STAP1: variants seen among roughly 807,000 people sequenced by gnomAD.
The protein encoded by STAP1 is signal transducing adaptor family member 1.
STAP1 carries 30 observed loss-of-function variants against 37.8 expected under a neutral mutation model. The ratio of observed to expected loss-of-function variants is 0.79; its 90% CI spans 0.59 to 1.08. STAP1 has a LOEUF of 1.08. Ranked by LOEUF, STAP1 falls within the 50% of genes least tolerant of loss-of-function variation. The probability of loss-of-function intolerance (pLI) is 0.00; values close to 1 mark genes in which losing one functional copy is unlikely to be tolerated. For synonymous variants in STAP1, 130 were observed against 116.0 expected, an observed-to-expected ratio of 1.12 and a Z score of -0.78; for missense variants, 357 against 349.4, an observed-to-expected ratio of 1.02 and a Z score of -0.17.
chr4:67,593,814 T>C (rs1728170420), intron 8 of STAP1, among the ~76,000 whole-genome samples: 1 of 152,312 alleles, frequency 6.6e-6, no homozygotes, highest in South Asian at 2.1e-4. Context: ...AGAGAAGTTG[T>C]ATTCCACTAT....
At chr4:67,584,724 G>C (rs1435715679) in intron 6 of STAP1, among the ~76,000 whole-genome samples, 2 of 152,190 alleles carry the variant, frequency 1.3e-5, no homozygotes, top group Admixed American at 1.3e-4. Flanking sequence ...AAAGAAAAAG[G>C]CTGCTGTGAC....
intron 3 of STAP1, 152 bp from the exon 4 acceptor site, chr4:67,577,051 T>C (rs1727737884): frequency 1.7e-6 from 1 of 577,776 alleles, no homozygotes; most frequent in Non-Finnish European, 2.9e-6. Context: ...GAAAATAGTA[T>C]TGAAATATTT....
chr4:67,559,020 T>C lies in STAP1; in HGVS notation c.120+91T>C, dbSNP rs531837020. The C allele has an allele frequency of 5.4e-5, 68 of 1,256,782 alleles. No individual in the cohort carries two copies. The Admixed American group carries it at 9.4e-4, about 17-fold the overall frequency. 77.9% of individuals were successfully genotyped at this position (1,256,782 alleles called of 1,614,324 possible). On this transcript the variant is annotated intron_variant, in intron 1 of 8. Coordinates refer to ENST00000265404, the MANE Select transcript of STAP1 (RefSeq NM_012108.4). ...GATGTGATGTGTTAAGACCTCCTTG[T>C]TTCTGTTGAAATTAAATCATCTTCT...
At chr4:67,567,311 G>T (rs1432602625) in intron 1 of STAP1, among the ~76,000 whole-genome samples, 2 of 152,084 alleles carry the variant, frequency 1.3e-5, no homozygotes, top group Non-Finnish European at 2.9e-5. Flanking sequence ...ATGGTAATTT[G>T]TTCCTTGGTT....
At chr4:67,599,158 T>G (rs1728286651) in intron 8 of STAP1, among the ~76,000 whole-genome samples, 1 of 152,226 alleles carries the variant, frequency 6.6e-6, no homozygotes, top group African/African-American at 2.4e-5. Context: ...TCATCAGAGA[T>G]ATTGGCTTGT....
intron 6 of STAP1, among the ~76,000 whole-genome samples, chr4:67,589,252 C>A (rs1282308334): frequency 6.6e-6 from 1 of 152,176 alleles, no homozygotes; most frequent in African/African-American, 2.4e-5. Context: ...CCTTCTGTGT[C>A]CAAAAATGCT....
At chr4:67,567,437 C>A (rs1410026010) in intron 1 of STAP1, among the ~76,000 whole-genome samples, 1 of 152,120 alleles carries the variant, frequency 6.6e-6, no homozygotes, top group African/African-American at 2.4e-5. Context: ...TCCAATGTGC[C>A]CCTGAGGTTG....
rs1163945955 is a variant in STAP1 at position 67,593,420 on chromosome 4, A to T, written c.826+64A>T. 3.3e-6 allele frequency: 4 copies of T among 1,199,902 alleles called. No individual in the cohort carries two copies. In the Admixed American group the frequency reaches 7.9e-5, roughly 24 times the overall value. 74.3% of individuals were successfully genotyped at this position (1,199,902 alleles called of 1,614,324 possible). Reference sequence around the variant, plus strand: ...AACAAAACAAAACAAAATCCCCAAAACTCTGCATATGATTGATAGTACCAG... The same window carrying T: ...AACAAAACAAAACAAAATCCCCAAATCTCTGCATATGATTGATAGTACCAG... On this transcript the variant is annotated intron_variant, in intron 8 of 8. Coordinates refer to ENST00000265404, the MANE Select transcript of STAP1 (RefSeq NM_012108.4).
intron 8 of STAP1, among the ~76,000 whole-genome samples, chr4:67,597,778 C>T (rs1030135455): frequency 6.6e-6 from 1 of 152,172 alleles, no homozygotes; most frequent in Non-Finnish European, 1.5e-5. Flanking sequence ...GCCAATTTCT[C>T]CCATTTTGAA....
Position 67,590,898 on chromosome 4 carries a change from A to G in STAP1, c.674A>G (p.Lys225Arg), listed in dbSNP as rs1439516011. 2 of 1,611,578 alleles carry G rather than the reference A, an allele frequency of 1.2e-6. No homozygotes were observed. The highest frequency in any genetic ancestry group is 1.7e-6 in the Non-Finnish European group (2 of 1,179,006). The change falls in exon 7 of 9, where the codon AAG becomes AGG. Residue 225 changes from lysine (K) to arginine (R), a missense_variant. Lys to Arg is a conservative substitution (Grantham distance 26). Coordinates refer to ENST00000265404, the MANE Select transcript of STAP1 (RefSeq NM_012108.4). Reference sequence around the variant, plus strand: ...TTTCATTGTAGCATTCCAAGAATCAAGCACTACAAAGTGATGAGCGTAGGA... The same window carrying G: ...TTTCATTGTAGCATTCCAAGAATCAGGCACTACAAAGTGATGAGCGTAGGA... Reference protein sequence around the residue: ...IRQEIDIPRIKHYKVMSVGQN... With the variant: ...IRQEIDIPRIRHYKVMSVGQN...
chr4:67,598,500 T>C (rs905832597), intron 8 of STAP1, among the ~76,000 whole-genome samples: 4 of 152,230 alleles, frequency 2.6e-5, no homozygotes, highest in Non-Finnish European at 5.9e-5. Flanking sequence ...TATCACCTTG[T>C]AGTTTTGATC....
rs532280934 is a variant in STAP1 at position 67,581,781 on chromosome 4, C to T, written c.530+310C>T. Among the ~76,000 whole-genome samples the T allele has an allele frequency of 9.1e-4, 138 of 152,270 alleles. 1 individual carries two copies. The highest frequency in any genetic ancestry group is 6.5e-3 in the Admixed American group (99 of 15,300). The stretch of plus-strand genomic sequence containing the variant: ...AAGAAGGCAGGAAAAGATATTTTTT[C>T]ACTATGCAAACTCTATGATTGACTG... On this transcript the variant is annotated intron_variant, in intron 5 of 8. Transcript: ENST00000265404.
At chr4:67,583,926 G>A (rs1392880675) in intron 6 of STAP1, among the ~76,000 whole-genome samples, 7 of 151,760 alleles carry the variant, frequency 4.6e-5, no homozygotes, top group African/African-American at 9.7e-5. Flanking sequence ...GTGAAACCCC[G>A]TCTTTACTAA....
At position 67,593,274 on chromosome 4, in the gene STAP1, C is replaced by T. The variant is rs369032884; in HGVS notation, c.744C>T (p.Asn248=). The stretch of plus-strand genomic sequence containing the variant: ...TATTAATACAGGTAACACTCCCAAA[C>T]CTTTTCAGTGTCATTGATTATTTTG... ...IELEKPVTLP[N]LFSVIDYFVK... The change falls in exon 8 of 9, where the codon AAC becomes AAT. Residue 248 remains asparagine, a synonymous_variant. Transcript: ENST00000265404. The T allele has an allele frequency of 1.5e-5, 24 of 1,612,884 alleles. No homozygotes were observed. Among genetic ancestry groups the T allele is most frequent in the Non-Finnish European group, 2.0e-5 (24 of 1,179,384 alleles).
chr4:67,601,668 T>C (rs1395015109), intron 8 of STAP1, among the ~76,000 whole-genome samples: 1 of 152,200 alleles, frequency 6.6e-6, no homozygotes, highest in Non-Finnish European at 1.5e-5. Flanking sequence ...ATTAAATATG[T>C]CATGCTCCCC....
chr4:67,604,645 T>C (rs941366274), intron 8 of STAP1, among the ~76,000 whole-genome samples: 1 of 152,258 alleles, frequency 6.6e-6, no homozygotes, highest in African/African-American at 2.4e-5. Context: ...AACTGGGGAA[T>C]TGGTCAAATT....
At chr4:67,598,931 C>T (rs778396136) in intron 8 of STAP1, among the ~76,000 whole-genome samples, 8 of 152,148 alleles carry the variant, frequency 5.3e-5, no homozygotes, top group Non-Finnish European at 8.8e-5. Flanking sequence ...TGAAGCGATG[C>T]TGAATTTTAT....
intron 7 of STAP1, among the ~76,000 whole-genome samples, chr4:67,591,756 A>G (rs1728123266): frequency 6.6e-6 from 1 of 152,170 alleles, no homozygotes. Context: ...TGAATTTTTT[A>G]TATTTTGGTC....
chr4:67,599,924 G>A (rs1235188962), intron 8 of STAP1, among the ~76,000 whole-genome samples: 3 of 152,112 alleles, frequency 2.0e-5, no homozygotes, highest in Admixed American at 2.0e-4. Context: ...TTACAGGTGT[G>A]AGCCACCATG....
Sources: gnomAD v4.1 joint callset for allele counts (sites outside exome capture counted in the v4.1 genomes callset) on GRCh38, gnomAD v4.1.1 for gene constraint, MANE v1.5 for transcripts, NCBI Gene and HGNC (gene_info 2026-07-23, HGNC 2026-07-21) for gene names.